MCHR2: variants seen among roughly 807,000 people sequenced by gnomAD.
MCHR2 encodes the protein melanin-concentrating hormone receptor 2.
Under a neutral mutation model 24.8 loss-of-function variants are expected in MCHR2, and 15 were observed. That is an observed-to-expected ratio of 0.60 (90% CI 0.40 to 0.93). The LOEUF (loss-of-function observed/expected upper bound fraction) is 0.93. Among genes scored for constraint, MCHR2 ranks in the 40% least tolerant of loss-of-function variants. The pLI is 0.00. For missense variants in MCHR2, 386 were observed against 408.7 expected (o/e 0.94, Z 0.48); for synonymous variants, 151 against 147.6 (o/e 1.02, Z -0.17).
chr6:99,943,262 T>A, intron 3 of MCHR2, 119 bp from the exon 4 acceptor site: 1 of 494,718 alleles, frequency 2.0e-6, no homozygotes, highest in Non-Finnish European at 3.3e-6. Context: ...AGCACACCTC[T>A]ATCAGGGCAA....
rs201725646 is a variant in MCHR2, at chr6:99,934,491, G to T, written c.614C>A (p.Thr205Asn). Residue 205 changes from threonine (T) to asparagine (N), a missense_variant, in exon 5 of 6, where the codon ACT becomes AAT. Thr to Asn is a moderately conservative substitution (Grantham distance 65, BLOSUM62 0). Coordinates refer to ENST00000281806, the MANE Select transcript of MCHR2 (RefSeq NM_001040179.2). ...LWYTLYLTIT[T>N]FFFPLPLILV... is the part of the protein sequence containing the mutation. ...AATCAAGGGTAGAGGGAAAAAAAAA[G>T]TTGTTATCGTCAAATAAAGTGTATA... 61 of 1,598,322 alleles carry T rather than the reference G, an allele frequency of 3.8e-5. No individual in the cohort carries two copies. Among genetic ancestry groups the T allele is most frequent in the Non-Finnish European group, 4.7e-5 (55 of 1,173,496 alleles).
At chr6:99,954,999 A>C (rs1382731068) in intron 2 of MCHR2, among the ~76,000 whole-genome samples, 1 of 152,178 alleles carries the variant, frequency 6.6e-6, no homozygotes, top group Non-Finnish European at 1.5e-5. Context: ...GAAATCTGAA[A>C]TCTGAACCAC....
intron 5 of MCHR2, among the ~76,000 whole-genome samples, chr6:99,933,446 A>T (rs1774586398): frequency 6.6e-6 from 1 of 151,890 alleles, no homozygotes. Context: ...TTATAAACTA[A>T]TTTTTTTTCT....
chr6:99,949,678 G>A (rs1774931738), intron 2 of MCHR2, among the ~76,000 whole-genome samples: 1 of 152,018 alleles, frequency 6.6e-6, no homozygotes, highest in Non-Finnish European at 1.5e-5. Flanking sequence ...CATACTGTAC[G>A]CATTGTTGCT....
At chr6:99,963,855 A>G (rs1049937973) in intron 1 of MCHR2, among the ~76,000 whole-genome samples, 1 of 152,126 alleles carries the variant, frequency 6.6e-6, no homozygotes, top group African/African-American at 2.4e-5. Context: ...GTCAAGTCTC[A>G]GAGTGAAGAT....
intron 1 of MCHR2, among the ~76,000 whole-genome samples, chr6:99,966,942 C>T (rs1385557135): frequency 2.0e-5 from 3 of 151,936 alleles, no homozygotes; most frequent in Non-Finnish European, 4.4e-5. Flanking sequence ...TTGCAAAAGC[C>T]CCCTTGCACT....
intron 1 of MCHR2, among the ~76,000 whole-genome samples, chr6:99,967,854 AT>A (rs1403922464): frequency 2.6e-5 from 4 of 152,070 alleles, no homozygotes; most frequent in Non-Finnish European, 5.9e-5. Context: ...TTCAACCTCT[AT>A]TTGTGAAATC....
intron 3 of MCHR2, among the ~76,000 whole-genome samples, chr6:99,946,066 C>G (rs556317060): frequency 1.3e-5 from 2 of 151,448 alleles, no homozygotes; most frequent in East Asian, 3.9e-4. Flanking sequence ...GCATCCAAGG[C>G]ACAGTATATA....
At chr6:99,977,394 A>T (rs1296645260) in intron 1 of MCHR2, among the ~76,000 whole-genome samples, 1 of 152,170 alleles carries the variant, frequency 6.6e-6, no homozygotes, top group Non-Finnish European at 1.5e-5. Context: ...GAAATTTTGA[A>T]GAAAATTTAC....
chr6:99,919,485 T>G lies in MCHR2; in HGVS notation c.*1455A>C, dbSNP rs1483522012. Among the ~76,000 whole-genome samples the G allele has an allele frequency of 6.6e-6, 1 of 152,210 alleles. No individual in the cohort carries two copies. Among genetic ancestry groups the G allele is most frequent in the Non-Finnish European group, 1.5e-5 (1 of 68,034 alleles). On this transcript the variant is annotated 3_prime_UTR_variant, in exon 6 of 6. Coordinates refer to ENST00000281806, the MANE Select transcript of MCHR2 (RefSeq NM_001040179.2). ...ATGTTTACGGAGAAAACAAATTTAA[T>G]GTATTTAGATGAAGAAGGTGGGTTT...
At chr6:99,971,696 C>T (rs1047019379) in intron 1 of MCHR2, among the ~76,000 whole-genome samples, 1 of 152,154 alleles carries the variant, frequency 6.6e-6, no homozygotes, top group African/African-American at 2.4e-5. Flanking sequence ...TTGCTGTGGG[C>T]TTGTCATAGA....
intron 4 of MCHR2, among the ~76,000 whole-genome samples, chr6:99,937,522 A>G (rs1774686932): frequency 6.6e-6 from 1 of 152,024 alleles, no homozygotes. Context: ...TGATTTGTGT[A>G]TGGTGAACCA....
At chr6:99,951,845 ATC>A (rs1399980708) in intron 2 of MCHR2, among the ~76,000 whole-genome samples, 1 of 152,138 alleles carries the variant, frequency 6.6e-6, no homozygotes, top group African/African-American at 2.4e-5. Context: ...CACATTGTCC[ATC>A]TCGTAACCTC....
intron 1 of MCHR2, among the ~76,000 whole-genome samples, chr6:99,964,625 C>A (rs1404788312): frequency 6.6e-6 from 1 of 152,008 alleles, no homozygotes; most frequent in Admixed American, 6.6e-5. Context: ...GGGGAAACTG[C>A]CCCCATGATC....
chr6:99,924,807 T>C (rs180882707), intron 5 of MCHR2, among the ~76,000 whole-genome samples: 2 of 152,244 alleles, frequency 1.3e-5, no homozygotes, highest in East Asian at 3.9e-4. Flanking sequence ...AAGACTTGTT[T>C]TGTGACCTAA....
chr6:99,938,713 T>G (rs1049248211), intron 4 of MCHR2, among the ~76,000 whole-genome samples: 4 of 152,010 alleles, frequency 2.6e-5, no homozygotes, highest in Non-Finnish European at 4.4e-5. Flanking sequence ...TTAGGTCTAG[T>G]GTGTAGTTTA....
chr6:99,959,201 T>G (rs1402007367), intron 1 of MCHR2, among the ~76,000 whole-genome samples: 1 of 152,070 alleles, frequency 6.6e-6, no homozygotes, highest in African/African-American at 2.4e-5. Flanking sequence ...ATGCTGCTAT[T>G]TTGGAGAACC....
chr6:99,967,083 T>G lies in MCHR2; in HGVS notation c.-27-10909A>C, dbSNP rs138460560. On this transcript the variant is annotated intron_variant, in intron 1 of 5. Transcript: ENST00000281806. ...TTCTCATTCCTTAAATTGCAAGTTT[T>G]GACACTTACTTGAAATATGACCCCA... Among the ~76,000 whole-genome samples the G allele has an allele frequency of 2.0e-3, 312 of 152,204 alleles. 2 individuals carry two copies. The highest frequency in any genetic ancestry group is 7.2e-3 in the African/African-American group (300 of 41,528).
chr6:99,925,236 A>T (rs528310251), intron 5 of MCHR2, among the ~76,000 whole-genome samples: 1 of 151,730 alleles, frequency 6.6e-6, no homozygotes, highest in Non-Finnish European at 1.5e-5. Context: ...TTTGGTTTCC[A>T]TTGGTATGGT....
Sources: gnomAD v4.1 joint callset for allele counts (sites outside exome capture counted in the v4.1 genomes callset) on GRCh38, gnomAD v4.1.1 for gene constraint, MANE v1.5 for transcripts, NCBI Gene and HGNC (gene_info 2026-07-23, HGNC 2026-07-21) for gene names.